FAM167A: variants seen among roughly 807,000 people sequenced by gnomAD.
The protein encoded by FAM167A is family with sequence similarity 167 member A.
Under a neutral mutation model 14.9 loss-of-function variants are expected in FAM167A, and 23 were observed. The observed-to-expected ratio is 1.55, with a 90% CI of 1.11 to 2.19. The LOEUF is 2.19. FAM167A is among the 30% of genes most tolerant of loss of function. FAM167A has a pLI of 0.00. For missense variants in FAM167A, 401 were observed against 281.5 expected (o/e 1.42, Z -3.04); for synonymous variants, 174 against 117.7 (o/e 1.48, Z -3.10).
chr8:11,443,744 G>A (rs1004908710), intron 2 of FAM167A: 8 of 376,326 alleles, frequency 2.1e-5, no homozygotes, highest in South Asian at 2.0e-4. Context: ...AGCGGTGTTG[G>A]GGGGAGGGGG....
chr8:11,438,081 G>C (rs1186016865), intron 2 of FAM167A: 2 of 454,374 alleles, frequency 4.4e-6, no homozygotes, highest in African/African-American at 4.0e-5. Flanking sequence ...ATCCACCTTG[G>C]CCTCACCCCA....
intron 1 of FAM167A, among the ~76,000 whole-genome samples, chr8:11,466,024 C>G (rs547984077): frequency 2.0e-5 from 3 of 152,264 alleles, no homozygotes; most frequent in East Asian, 3.9e-4. Flanking sequence ...ACCCTCCCCC[C>G]CGCCGTCTGT....
In FAM167A at chr8:11,424,214, G is replaced by T; in HGVS notation, c.*159C>A. Reference sequence around the variant, plus strand: ...GCATCCACACCCAGGGCCCCTGGGTGGGAGAGCACCACTGAATAGGTCCTG... The same window carrying T: ...GCATCCACACCCAGGGCCCCTGGGTTGGAGAGCACCACTGAATAGGTCCTG... On this transcript the variant is annotated 3_prime_UTR_variant, in exon 3 of 3. Coordinates refer to ENST00000284486, the MANE Select transcript of FAM167A (RefSeq NM_053279.3). The T allele has an allele frequency of 4.7e-6, 4 of 843,516 alleles. No individual in the cohort carries two copies. The highest frequency in any genetic ancestry group is 1.7e-5 in the African/African-American group (1 of 58,396). 52.3% of individuals were successfully genotyped at this position (843,516 alleles called of 1,614,324 possible). A position where few individuals can be genotyped will look rare whatever the true frequency, so the allele number is the denominator to read the frequency against.
chr8:11,464,852 GCT>G (rs1807689916), intron 1 of FAM167A, among the ~76,000 whole-genome samples: 1 of 152,118 alleles, frequency 6.6e-6, no homozygotes, highest in Non-Finnish European at 1.5e-5. Flanking sequence ...GGGCTCTGTG[GCT>G]CTCTCTCAGC....
chr8:11,446,072 G>C (rs1355844132), intron 1 of FAM167A, among the ~76,000 whole-genome samples: 1 of 151,424 alleles, frequency 6.6e-6, no homozygotes, highest in African/African-American at 2.4e-5. Flanking sequence ...TTACTTGTTT[G>C]GAGTGAGGGG....
In FAM167A at chr8:11,447,306, C is replaced by T. The variant is rs998067999; in HGVS notation, c.-397-2498G>A. On this transcript the variant is annotated intron_variant, in intron 1 of 2. Transcript: ENST00000284486. ...AAGCGATTCTCCTGCCTCAGCCTCCCGAGTAGCTGGGGTTACAGGCAGCTG... is the reference window on the plus strand; with the variant it reads ...AAGCGATTCTCCTGCCTCAGCCTCCTGAGTAGCTGGGGTTACAGGCAGCTG... Among the ~76,000 whole-genome samples, 11 of 151,976 alleles carry T rather than the reference C, an allele frequency of 7.2e-5. 1 individual carries two copies. The highest frequency in any genetic ancestry group is 4.1e-4 in the South Asian group (2 of 4,820).
chr8:11,475,778 C>G (rs940678839), intron 1 of FAM167A, among the ~76,000 whole-genome samples: 8 of 152,168 alleles, frequency 5.3e-5, no homozygotes, highest in Non-Finnish European at 1.2e-4. Flanking sequence ...CTCCTTTCCC[C>G]TGCTCTATGT....
At chr8:11,453,108 C>T (rs747107177) in intron 1 of FAM167A, among the ~76,000 whole-genome samples, 1 of 152,228 alleles carries the variant, frequency 6.6e-6, no homozygotes, top group Non-Finnish European at 1.5e-5. Context: ...GGCTTCCTCT[C>T]CTCTGTCCTG....
intron 1 of FAM167A, among the ~76,000 whole-genome samples, chr8:11,455,848 G>C (rs1426539213): frequency 2.4e-5 from 2 of 82,826 alleles, no homozygotes; most frequent in African/African-American, 8.9e-5. Context: ...GTGAGGGTTG[G>C]TTGCCTTATG....
At chr8:11,456,200 G>T (rs1807282957) in intron 1 of FAM167A, among the ~76,000 whole-genome samples, 1 of 32,714 alleles carries the variant, frequency 3.1e-5, no homozygotes, top group Non-Finnish European at 5.7e-5. Flanking sequence ...GTGGGGGGTG[G>T]TTGCCTTGCT....
intron 1 of FAM167A, chr8:11,445,425 C>G: frequency 2.0e-6 from 2 of 985,788 alleles, no homozygotes; most frequent in South Asian, 4.7e-5. Flanking sequence ...CTTACCTCAC[C>G]TCTTCAGAGA....
intron 2 of FAM167A, among the ~76,000 whole-genome samples, chr8:11,437,557 C>T (rs1426639656): frequency 6.6e-6 from 1 of 152,188 alleles, no homozygotes; most frequent in Non-Finnish European, 1.5e-5. Flanking sequence ...ACATATTATG[C>T]TTTTTCCAGT....
intron 1 of FAM167A, among the ~76,000 whole-genome samples, chr8:11,455,966 A>AGT (rs1320386543): frequency 2.3e-4 from 7 of 29,906 alleles, no homozygotes; most frequent in Admixed American, 3.8e-4. Flanking sequence ...CCTTGCTGTG[A>AGT]GTGAGTGTGG....
chr8:11,461,086 G>C lies in FAM167A; in HGVS notation c.-398+5540C>G, dbSNP rs565196102. 2.3e-3 allele frequency among the ~76,000 whole-genome samples: 356 copies of C among 152,342 alleles called. 1 individual carries two copies. The highest frequency in any genetic ancestry group is 7.7e-3 in the African/African-American group (321 of 41,572). On this transcript the variant is annotated intron_variant, in intron 1 of 2. Coordinates refer to ENST00000284486, the MANE Select transcript of FAM167A (RefSeq NM_053279.3). The stretch of plus-strand genomic sequence containing the variant: ...ATACTGCTTCCCTGTTGGTCAGAAA[G>C]AGGCCCTGGCTCCTGGGAGCCACAG...
chr8:11,428,635 C>T (rs1205491055), intron 2 of FAM167A, among the ~76,000 whole-genome samples: 1 of 152,212 alleles, frequency 6.6e-6, no homozygotes, highest in Non-Finnish European at 1.5e-5. Context: ...ACTATGGGTT[C>T]TCACATTTAG....
chr8:11,422,715 C>T lies in FAM167A; in HGVS notation c.*1658G>A, dbSNP rs1168516107. 1.3e-5 allele frequency: 2 copies of T among 152,268 alleles called. No homozygotes were observed. Among genetic ancestry groups the T allele is most frequent in the Non-Finnish European group, 2.9e-5 (2 of 68,062 alleles). The allele number at this position is 152,268 out of a possible 1,614,324, so 9.4% of individuals were successfully genotyped here. On this transcript the variant is annotated 3_prime_UTR_variant, in exon 3 of 3. Transcript: ENST00000284486. ...TCAGCCCACAAAAGAAAAGCAACCT[C>T]TCCCCTATGTGGGTCACGATGTGTG...
intron 1 of FAM167A, chr8:11,445,372 G>T: frequency 1.0e-6 from 1 of 986,080 alleles, no homozygotes; most frequent in East Asian, 1.1e-4. Flanking sequence ...TCTACATCCA[G>T]GTCTTACTCT....
intron 1 of FAM167A, among the ~76,000 whole-genome samples, chr8:11,448,757 G>A (rs541155577): frequency 6.6e-6 from 1 of 152,334 alleles, no homozygotes; most frequent in East Asian, 1.9e-4. Context: ...CACGGCTCGG[G>A]GTGTTGGAGA....
At position 11,421,545 on chromosome 8, in the gene FAM167A, C is replaced by G; in HGVS notation, c.*2828G>C. 2.5e-6 allele frequency: 1 copy of G among 395,176 alleles called. No homozygotes were observed. Among genetic ancestry groups the G allele is most frequent in the East Asian group, 3.6e-5 (1 of 27,830 alleles). The allele number at this position is 395,176 out of a possible 1,614,324, so 24.5% of individuals were successfully genotyped here. On this transcript the variant is annotated 3_prime_UTR_variant, in exon 3 of 3. Coordinates refer to ENST00000284486, the MANE Select transcript of FAM167A (RefSeq NM_053279.3). The stretch of plus-strand genomic sequence containing the variant: ...ACTTTTTCTAACAGCAATATAGAAA[C>G]AAATAATCATAAAAAATAAAAGTAT...
Sources: gnomAD v4.1 joint callset for allele counts (sites outside exome capture counted in the v4.1 genomes callset) on GRCh38, gnomAD v4.1.1 for gene constraint, MANE v1.5 for transcripts, NCBI Gene and HGNC (gene_info 2026-07-23, HGNC 2026-07-21) for gene names.